Variants in MCF2L2 observed in about 807,000 individuals in gnomAD.
The protein encoded by MCF2L2 is MCF.2 cell line derived transforming sequence-like 2, also known as probable guanine nucleotide exchange factor MCF2L2.
MCF2L2 carries 102 observed loss-of-function variants against 150.2 expected under a neutral mutation model. The observed-to-expected ratio is 0.68, with a 90% CI of 0.58 to 0.80. The LOEUF (loss-of-function observed/expected upper bound fraction) is 0.80. Ranked by LOEUF, MCF2L2 falls within the 30% of genes least tolerant of loss-of-function variation. The pLI is 0.00. For missense variants in MCF2L2, 1,256 were observed against 1,372.8 expected (o/e 0.91, Z 1.34); for synonymous variants, 465 against 491.3 (o/e 0.95, Z 0.71).
At chr3:183,422,296 C>A (rs1204540869) in intron 1 of MCF2L2, among the ~76,000 whole-genome samples, 2 of 152,126 alleles carry the variant, frequency 1.3e-5, no homozygotes, top group Non-Finnish European at 2.9e-5. Context: ...TTGAGCTTTC[C>A]CACACTCAGT....
intron 20 of MCF2L2, among the ~76,000 whole-genome samples, chr3:183,220,235 A>G (rs1281298488): frequency 6.6e-6 from 1 of 151,802 alleles, no homozygotes; most frequent in Admixed American, 6.6e-5. Context: ...GTTATATCTT[A>G]CAGATAAACC....
At chr3:183,348,985 C>T (rs1345005515) in intron 3 of MCF2L2, among the ~76,000 whole-genome samples, 1 of 152,066 alleles carries the variant, frequency 6.6e-6, no homozygotes, top group Non-Finnish European at 1.5e-5. Context: ...AACATAGACC[C>T]GACTTGGAAG....
At chr3:183,221,981 G>A (rs1723166140) in intron 20 of MCF2L2, among the ~76,000 whole-genome samples, 1 of 152,140 alleles carries the variant, frequency 6.6e-6, no homozygotes, top group African/African-American at 2.4e-5. Context: ...AGTACACCGA[G>A]GCTGAAACTG....
chr3:183,220,472 C>A (rs1219577870), intron 20 of MCF2L2, among the ~76,000 whole-genome samples: 1 of 151,964 alleles, frequency 6.6e-6, no homozygotes, highest in South Asian at 2.1e-4. Flanking sequence ...GAATTATAGT[C>A]CCCCTTATCA....
Position 183,322,814 on chromosome 3 carries a change from G to A in MCF2L2, c.603+421C>T, listed in dbSNP as rs527538502. Among the ~76,000 whole-genome samples the A allele has an allele frequency of 5.9e-5, 9 of 152,196 alleles. No individual in the cohort carries two copies. In the East Asian group the frequency reaches 1.7e-3, roughly 29 times the overall value. On this transcript the variant is annotated intron_variant, in intron 6 of 29. Transcript: ENST00000328913. ...TCTCACCTATAGTAGTCCCCGGGGG[G>A]TGACACTATTTAAATGTAGCTTCTT...
At chr3:183,259,452 C>T (rs935128331) in intron 15 of MCF2L2, among the ~76,000 whole-genome samples, 4 of 152,166 alleles carry the variant, frequency 2.6e-5, no homozygotes, top group Non-Finnish European at 5.9e-5. Context: ...TGATGGATAA[C>T]TGGTTTACAT....
chr3:183,333,220 T>A (rs1322805242), intron 5 of MCF2L2, among the ~76,000 whole-genome samples: 4 of 152,094 alleles, frequency 2.6e-5, no homozygotes, highest in South Asian at 4.1e-4. Context: ...CTAATTTTTG[T>A]ATTTTTAGTA....
chr3:183,376,675 T>C (rs1713205337), intron 3 of MCF2L2: 1 of 152,184 alleles, frequency 6.6e-6, no homozygotes, highest in Non-Finnish European at 1.5e-5. Context: ...CAGATTAACA[T>C]GAGAAAAGCA....
At chr3:183,351,303 C>G (rs12637921) in intron 3 of MCF2L2, among the ~76,000 whole-genome samples, 16,772 of 147,456 alleles carry the variant, frequency 0.11, 1,634 homozygotes, top group African/African-American at 0.24. Context: ...TCCCATCTCA[C>G]CCTCCCAAGT....
rs375149551 is a variant in MCF2L2 at position 183,216,100 on chromosome 3, G to T, written c.2371-6C>A. The T allele has an allele frequency of 3.1e-6, 5 of 1,612,028 alleles. No homozygotes were observed. In the African/African-American group the frequency reaches 6.7e-5, roughly 22 times the overall value. ...TTGGTTCTCTTTGGCCCATCCTGTGGAAAACAAATGCCTTGTTGGAAATCA... is the reference window on the plus strand; with the variant it reads ...TTGGTTCTCTTTGGCCCATCCTGTGTAAAACAAATGCCTTGTTGGAAATCA... On this transcript the variant is annotated splice_polypyrimidine_tract_variant and splice_region_variant and intron_variant, in intron 21 of 29. Transcript: ENST00000328913.
chr3:183,297,496 A>C, intron 11 of MCF2L2: 1 of 257,280 alleles, frequency 3.9e-6, no homozygotes, highest in South Asian at 4.8e-5. Flanking sequence ...TCTGTCACCC[A>C]GGCTGGAGTA....
intron 27 of MCF2L2, among the ~76,000 whole-genome samples, chr3:183,188,715 C>A (rs1721779992): frequency 6.6e-6 from 1 of 152,192 alleles, no homozygotes; most frequent in Non-Finnish European, 1.5e-5. Flanking sequence ...TGCCTGTGAT[C>A]CCAGCACTCT....
At chr3:183,211,066 TGAA>T (rs923819318) in intron 22 of MCF2L2, among the ~76,000 whole-genome samples, 2 of 151,610 alleles carry the variant, frequency 1.3e-5, no homozygotes, top group African/African-American at 4.9e-5. Flanking sequence ...AACAGAACTA[TGAA>T]GAAGGTGAGT....
intron 25 of MCF2L2, among the ~76,000 whole-genome samples, chr3:183,199,997 T>G (rs1722218260): frequency 6.6e-6 from 1 of 152,230 alleles, no homozygotes; most frequent in Admixed American, 6.5e-5. Flanking sequence ...GGTGTATATG[T>G]GCCACATTTT....
intron 22 of MCF2L2, among the ~76,000 whole-genome samples, chr3:183,214,830 C>CAAA (rs576928280): frequency 1.4e-4 from 17 of 123,986 alleles, no homozygotes; most frequent in African/African-American, 3.7e-4. Flanking sequence ...ACTAAAAATA[C>CAAA]AAAAAAAAAA....
At chr3:183,192,918 G>C (rs927040210) in intron 27 of MCF2L2, 81 bp downstream of exon 27, 1 of 998,254 alleles carries the variant, frequency 1.0e-6, no homozygotes, top group Non-Finnish European at 1.6e-6. Context: ...CTGGGCCCTA[G>C]GTGATGTCTT....
chr3:183,402,563 A>T (rs1420465652), intron 1 of MCF2L2, among the ~76,000 whole-genome samples: 1 of 151,706 alleles, frequency 6.6e-6, no homozygotes, highest in Non-Finnish European at 1.5e-5. Context: ...GCACATTGAG[A>T]GGCTGAGGCA....
chr3:183,243,015 G>A (rs1724099615), intron 15 of MCF2L2, among the ~76,000 whole-genome samples: 3 of 152,170 alleles, frequency 2.0e-5, no homozygotes. Flanking sequence ...AAGGCTGATA[G>A]CCCCTTTGTT....
chr3:183,304,602 A>C (rs906115980), intron 10 of MCF2L2, among the ~76,000 whole-genome samples: 1 of 150,556 alleles, frequency 6.6e-6, no homozygotes, highest in Non-Finnish European at 1.5e-5. Flanking sequence ...AGTAGCTGGG[A>C]CTATAGGCGC....
Sources: gnomAD v4.1 joint callset for allele counts (sites outside exome capture counted in the v4.1 genomes callset) on GRCh38, gnomAD v4.1.1 for gene constraint, MANE v1.5 for transcripts, NCBI Gene and HGNC (gene_info 2026-07-23, HGNC 2026-07-21) for gene names.